Variants in PIK3R3 observed in about 807,000 individuals in gnomAD.
PIK3R3 encodes the protein phosphoinositide-3-kinase regulatory subunit 3, also known as phosphatidylinositol 3-kinase regulatory subunit gamma.
PIK3R3 carries 64 observed loss-of-function variants against 62.9 expected under a neutral mutation model. That is an observed-to-expected ratio of 1.02 (90% CI 0.83 to 1.25). The LOEUF (loss-of-function observed/expected upper bound fraction) is 1.25, where lower values mean the gene tolerates loss of function less well. PIK3R3 is among the 50% of genes most tolerant of loss of function. The pLI, the probability that PIK3R3 is intolerant of heterozygous loss-of-function variation, is 0.00. For missense variants in PIK3R3, 614 were observed against 561.6 expected, an observed-to-expected ratio of 1.09 and a Z score of -0.94; for synonymous variants, 165 against 189.0, an observed-to-expected ratio of 0.87 and a Z score of 1.04.
At chr1:46,100,580 A>G (rs12126810) in intron 1 of PIK3R3, among the ~76,000 whole-genome samples, 11,172 of 152,184 alleles carry the variant, frequency 0.073, 582 homozygotes, top group Middle Eastern at 0.14. Flanking sequence ...GCTCCTTCCT[A>G]ATTTTTCTTG....
chr1:46,160,686 C>A, the PIK3R3 span, among the ~76,000 whole-genome samples: 1 of 152,216 alleles, frequency 6.6e-6, no homozygotes, highest in African/African-American at 2.4e-5. Flanking sequence ...TCCTTAATCC[C>A]GTAATAGGAG....
the PIK3R3 span, among the ~76,000 whole-genome samples, chr1:46,156,731 A>C: frequency 3.9e-5 from 6 of 152,190 alleles, no homozygotes; most frequent in Non-Finnish European, 5.9e-5. Flanking sequence ...GCTTCTGTCC[A>C]TTAGCTGTCC....
At chr1:46,118,807 C>T (rs193060437) in intron 1 of PIK3R3, among the ~76,000 whole-genome samples, 30 of 152,088 alleles carry the variant, frequency 2.0e-4, no homozygotes, top group Admixed American at 1.0e-3. Context: ...CTGCCCACCT[C>T]GACCTCTCAC....
intron 1 of PIK3R3, among the ~76,000 whole-genome samples, chr1:46,114,240 C>T (rs549355136): frequency 1.3e-5 from 2 of 152,318 alleles, no homozygotes; most frequent in South Asian, 4.1e-4. Context: ...CAAGCCACAT[C>T]ATTCCAAATG....
chr1:46,105,099 T>C, intron 1 of PIK3R3: 1 of 735,618 alleles, frequency 1.4e-6, no homozygotes, highest in Non-Finnish European at 2.5e-6. Context: ...TGGACTTATG[T>C]AGCAACTCAA....
chr1:46,133,726 G>T (rs966672015), upstream of PIK3R3, among the ~76,000 whole-genome samples: 15 of 151,830 alleles, frequency 9.9e-5, no homozygotes, highest in African/African-American at 3.6e-4. Flanking sequence ...CCCACCCAAA[G>T]ACTTTTGAAC....
chr1:46,105,508 C>T (rs544273742), intron 1 of PIK3R3, among the ~76,000 whole-genome samples: 3 of 151,186 alleles, frequency 2.0e-5, no homozygotes, highest in South Asian at 2.1e-4. Context: ...TGTCTCAAAA[C>T]AAAACAAAAC....
chr1:46,072,520 G>A (rs2149403644), intron 3 of PIK3R3, among the ~76,000 whole-genome samples: 1 of 152,308 alleles, frequency 6.6e-6, no homozygotes, highest in East Asian at 1.9e-4. Context: ...ATGCTATCAA[G>A]TGATAAATGG....
chr1:46,158,541 T>C, the PIK3R3 span, among the ~76,000 whole-genome samples: 2 of 152,202 alleles, frequency 1.3e-5, no homozygotes, highest in Admixed American at 1.3e-4. Flanking sequence ...CTGCTCTGCT[T>C]TATACAGTGG....
At chr1:46,052,196 T>A (rs549660094) in intron 7 of PIK3R3, among the ~76,000 whole-genome samples, 1 of 152,210 alleles carries the variant, frequency 6.6e-6, no homozygotes, top group Non-Finnish European at 1.5e-5. Flanking sequence ...TATAACAATA[T>A]GCTGGAATAA....
intron 5 of PIK3R3, among the ~76,000 whole-genome samples, chr1:46,062,741 C>T (rs137960504): frequency 1.1e-4 from 17 of 152,298 alleles, no homozygotes; most frequent in African/African-American, 4.1e-4. Flanking sequence ...ATAATTCCTA[C>T]ATTATCTAGC....
At chr1:46,093,818 G>C (rs2149432230) in intron 1 of PIK3R3, among the ~76,000 whole-genome samples, 1 of 148,464 alleles carries the variant, frequency 6.7e-6, no homozygotes, top group Middle Eastern at 3.5e-3. Context: ...TAATGCCACT[G>C]CACTCCAGTC....
At chr1:46,153,418 G>A in the PIK3R3 span, among the ~76,000 whole-genome samples, 3,188 of 152,298 alleles carry the variant, frequency 0.021, 109 homozygotes, top group African/African-American at 0.07. Context: ...TTCTATAGCA[G>A]ATGGCTCCCA....
upstream of PIK3R3, among the ~76,000 whole-genome samples, chr1:46,135,989 C>T: frequency 7.0e-6 from 1 of 143,350 alleles, no homozygotes; most frequent in African/African-American, 2.6e-5. Flanking sequence ...GACATCACGC[C>T]ATTGCACTCC....
intron 9 of PIK3R3, among the ~76,000 whole-genome samples, chr1:46,045,644 T>TTTTTTTTTTC (rs370501368): frequency 0.13 from 10,859 of 82,552 alleles, 2,790 homozygotes; most frequent in East Asian, 0.23. Flanking sequence ...TTTTTTTTTT[T>TTTTTTTTTTC]CAATTTAAGA....
chr1:46,162,742 C>T, the PIK3R3 span, among the ~76,000 whole-genome samples: 1 of 152,080 alleles, frequency 6.6e-6, no homozygotes, highest in African/African-American at 2.4e-5. Flanking sequence ...CTGCCTCAGC[C>T]TCCGAAGTAC....
chr1:46,106,365 CA>C (rs1653202861), intron 1 of PIK3R3, among the ~76,000 whole-genome samples: 2 of 152,218 alleles, frequency 1.3e-5, no homozygotes, highest in East Asian at 3.9e-4. Context: ...CTTGGCCTCC[CA>C]AAGTTCTGGG....
chr1:46,132,533 G>A lies in PIK3R3; in HGVS notation c.-581C>T. ...AAGCTGCCGCAGCCTCGGGAATGGG[G>A]CCGGCCGGAGAAGTCCAGTCAGCTC... On this transcript the variant is annotated 5_prime_UTR_variant, in exon 1 of 10. Coordinates refer to ENST00000262741, the MANE Select transcript of PIK3R3 (RefSeq NM_003629.4). 8.0e-7 allele frequency: 1 copy of A among 1,249,786 alleles called. No individual in the cohort carries two copies. The highest frequency in any genetic ancestry group is 2.6e-5 in the Admixed American group (1 of 38,808). The allele number at this position is 1,249,786 out of a possible 1,614,324, so 77.4% of individuals were successfully genotyped here.
intron 1 of PIK3R3, among the ~76,000 whole-genome samples, chr1:46,117,254 A>G (rs959993019): frequency 6.6e-6 from 1 of 152,042 alleles, no homozygotes; most frequent in Non-Finnish European, 1.5e-5. Flanking sequence ...GCCACACAGT[A>G]AGACCTCATC....
Sources: allele counts gnomAD v4.1 joint callset (sites outside exome capture counted in the v4.1 genomes callset), GRCh38; gene constraint gnomAD v4.1.1; transcripts MANE v1.5; gene names NCBI Gene and HGNC (gene_info 2026-07-23, HGNC 2026-07-21).